The following KLF15 variants were observed in gnomAD, a reference collection of about 807,000 sequenced individuals.
The protein encoded by KLF15 is Krueppel-like factor 15.
Under a neutral mutation model 24.6 loss-of-function variants are expected in KLF15, and 4 were observed. That is an observed-to-expected ratio of 0.16 (90% confidence interval 0.08 to 0.37). The LOEUF (loss-of-function observed/expected upper bound fraction) is 0.37, where lower values mean the gene tolerates loss of function less well. Among genes scored for constraint, KLF15 ranks in the 10% least tolerant of loss-of-function variants. The probability of loss-of-function intolerance (pLI) is 1.00; values close to 1 mark genes in which losing one functional copy is unlikely to be tolerated. For synonymous variants in KLF15, 246 were observed against 236.3 expected, an observed-to-expected ratio of 1.04 and a Z score of -0.37; for missense variants, 496 against 560.6, an observed-to-expected ratio of 0.88 and a Z score of 1.16.
chr3:126,355,859 C>T (rs557194085), intron 1 of KLF15, among the ~76,000 whole-genome samples: 1 of 152,354 alleles, frequency 6.6e-6, no homozygotes, highest in African/African-American at 2.4e-5. Flanking sequence ...CCAGAAAGGG[C>T]TCTGGGATGT....
At chr3:126,305,548 A>G in the KLF15 span, among the ~76,000 whole-genome samples, 1 of 152,214 alleles carries the variant, frequency 6.6e-6, no homozygotes, top group Non-Finnish European at 1.5e-5. Flanking sequence ...TCAAGGTAAA[A>G]CAAAGCAAAA....
At chr3:126,293,305 G>A in the KLF15 span, among the ~76,000 whole-genome samples, 1 of 152,092 alleles carries the variant, frequency 6.6e-6, no homozygotes, top group African/African-American at 2.4e-5. Flanking sequence ...GACAGAGTGA[G>A]GCCCTGTCTC....
intron 2 of KLF15, among the ~76,000 whole-genome samples, chr3:126,350,848 T>A (rs2082576751): frequency 6.6e-6 from 1 of 151,898 alleles, no homozygotes; most frequent in African/African-American, 2.4e-5. Flanking sequence ...GGGATACAGA[T>A]GAGTGTGCCC....
intron 1 of KLF15, among the ~76,000 whole-genome samples, chr3:126,353,555 C>T (rs909888897): frequency 6.6e-6 from 1 of 152,192 alleles, no homozygotes; most frequent in Non-Finnish European, 1.5e-5. Context: ...TTGGATAGGA[C>T]ACACTTACAT....
In KLF15 at chr3:126,343,461, G is replaced by A. The variant is rs923227644; in HGVS notation, c.*266C>T. 4.7e-6 allele frequency: 2 copies of A among 426,198 alleles called. No homozygotes were observed. The highest frequency in any genetic ancestry group is 4.1e-6 in the Non-Finnish European group (1 of 242,498). 26.4% of individuals were successfully genotyped at this position (426,198 alleles called of 1,614,324 possible). ...CTGCAGCAGAGGCCTGGCCACCGCG[G>A]GAAGGCACGAAGGCACGAAGGCACG... is the stretch of plus-strand genomic sequence containing the variant. On this transcript the variant is annotated 3_prime_UTR_variant, in exon 3 of 3. Coordinates refer to ENST00000296233, the MANE Select transcript of KLF15 (RefSeq NM_014079.4).
chr3:126,309,613 G>A, the KLF15 span, among the ~76,000 whole-genome samples: 1 of 152,216 alleles, frequency 6.6e-6, no homozygotes, highest in East Asian at 1.9e-4. Flanking sequence ...TACAAGAAAC[G>A]ACACTCCCTA....
At chr3:126,312,615 C>T in the KLF15 span, among the ~76,000 whole-genome samples, 5 of 152,224 alleles carry the variant, frequency 3.3e-5, no homozygotes, top group Non-Finnish European at 5.9e-5. Context: ...CACAAGAACC[C>T]TCCTGCTTCA....
chr3:126,339,837 C>T (rs2082467155), downstream of KLF15, among the ~76,000 whole-genome samples: 1 of 152,238 alleles, frequency 6.6e-6, no homozygotes, highest in Middle Eastern at 3.2e-3. Context: ...ACAGTGATGG[C>T]ATTGCAAGGG....
chr3:126,347,834 G>C (rs2082547113), intron 2 of KLF15, among the ~76,000 whole-genome samples: 1 of 152,208 alleles, frequency 6.6e-6, no homozygotes, highest in African/African-American at 2.4e-5. Flanking sequence ...GACGACCTCA[G>C]CAGTGGAGGG....
chr3:126,299,515 C>T, the KLF15 span, among the ~76,000 whole-genome samples: 3 of 151,574 alleles, frequency 2.0e-5, no homozygotes, highest in Non-Finnish European at 4.4e-5. Flanking sequence ...TTTGGGAGGC[C>T]GAGGAGGGCA....
At chr3:126,314,151 A>G in the KLF15 span, among the ~76,000 whole-genome samples, 1 of 151,800 alleles carries the variant, frequency 6.6e-6, no homozygotes, top group Non-Finnish European at 1.5e-5. Context: ...GGTCACCCAG[A>G]GGGACTCATC....
chr3:126,335,468 T>C, the KLF15 span, among the ~76,000 whole-genome samples: 1 of 147,558 alleles, frequency 6.8e-6, no homozygotes, highest in Non-Finnish European at 1.5e-5. Flanking sequence ...GCCAATATCA[T>C]ACTGAATGGG....
the KLF15 span, among the ~76,000 whole-genome samples, chr3:126,327,957 G>A: frequency 0.046 from 6,955 of 152,224 alleles, 247 homozygotes; most frequent in South Asian, 0.15. Context: ...ATAAGTTATT[G>A]GGGTACAGGT....
the KLF15 span, among the ~76,000 whole-genome samples, chr3:126,292,206 T>C: frequency 6.6e-6 from 1 of 152,164 alleles, no homozygotes; most frequent in Admixed American, 6.5e-5. Flanking sequence ...AGCACAGGGC[T>C]GGGGTCCCAG....
the KLF15 span, among the ~76,000 whole-genome samples, chr3:126,292,241 C>T: frequency 3.9e-4 from 60 of 152,180 alleles, no homozygotes; most frequent in African/African-American, 1.4e-3. Flanking sequence ...CATTCATTAA[C>T]AGGTGGGAAG....
chr3:126,346,353 G>C (rs1021101047), intron 2 of KLF15, among the ~76,000 whole-genome samples: 7 of 152,170 alleles, frequency 4.6e-5, no homozygotes, highest in African/African-American at 1.7e-4. Flanking sequence ...CCATTGGACT[G>C]GCAAGACCAT....
the KLF15 span, among the ~76,000 whole-genome samples, chr3:126,324,774 T>C: frequency 1.4e-5 from 2 of 145,844 alleles, no homozygotes; most frequent in Non-Finnish European, 3.0e-5. Flanking sequence ...TTTTCATTGA[T>C]CTTTTTGCTT....
chr3:126,305,817 C>G, the KLF15 span, among the ~76,000 whole-genome samples: 4 of 152,198 alleles, frequency 2.6e-5, no homozygotes, highest in African/African-American at 9.6e-5. Flanking sequence ...AAACCCTTTT[C>G]AGGGTGGGGT....
the KLF15 span, among the ~76,000 whole-genome samples, chr3:126,327,385 TTAAC>T: frequency 6.6e-6 from 1 of 152,154 alleles, no homozygotes. Context: ...CAGACCGACT[TTAAC>T]TGGGCCCTTC....
Sources: gnomAD v4.1 joint callset for allele counts (sites outside exome capture counted in the v4.1 genomes callset) on GRCh38, gnomAD v4.1.1 for gene constraint, MANE v1.5 for transcripts, NCBI Gene and HGNC (gene_info 2026-07-23, HGNC 2026-07-21) for gene names.